LMO7: variants seen among roughly 807,000 people sequenced by gnomAD.
LMO7 encodes LIM domain 7.
LMO7 carries 120 observed loss-of-function variants against 206.5 expected under a neutral mutation model. The observed-to-expected ratio is 0.58, with a 90% CI of 0.50 to 0.68. LMO7 has a LOEUF of 0.68. LMO7 is among the 30% of genes least tolerant of loss of function. The pLI, the probability that LMO7 is intolerant of heterozygous loss-of-function variation, is 0.00. For missense variants in LMO7, 1,959 were observed against 1,957.9 expected, an observed-to-expected ratio of 1.00 and a Z score of -0.01; for synonymous variants, 706 against 681.5, an observed-to-expected ratio of 1.04 and a Z score of -0.56.
intron 27 of LMO7, among the ~76,000 whole-genome samples, chr13:75,850,358 T>C (rs540660890): frequency 1.3e-4 from 20 of 152,350 alleles, no homozygotes; most frequent in African/African-American, 4.6e-4. Context: ...AAAGTTTATA[T>C]ATCTGACCCT....
chr13:75,857,014 A>G (rs1359520499), intron 30 of LMO7: 1 of 156,168 alleles, frequency 6.4e-6, no homozygotes, highest in African/African-American at 2.4e-5. Context: ...GGCTTTGATT[A>G]TGTGATTTAG....
At chr13:75,768,071 A>G (rs994570387) in intron 4 of LMO7, among the ~76,000 whole-genome samples, 1 of 152,090 alleles carries the variant, frequency 6.6e-6, no homozygotes, top group Non-Finnish European at 1.5e-5. Context: ...GAAGTCAGGT[A>G]TATAAAGTAT....
intron 3 of LMO7, among the ~76,000 whole-genome samples, chr13:75,757,030 T>A (rs1040622033): frequency 2.0e-5 from 3 of 152,184 alleles, no homozygotes; most frequent in Non-Finnish European, 2.9e-5. Context: ...AGGGCTGATC[T>A]GTGTAACCAA....
chr13:75,707,868 T>G (rs543795711), intron 1 of LMO7, among the ~76,000 whole-genome samples: 27 of 151,328 alleles, frequency 1.8e-4, no homozygotes, highest in African/African-American at 3.1e-4. Flanking sequence ...GAGGGGGTCT[T>G]CAGACCCCCT....
intron 11 of LMO7, 152 bp from the exon 12 acceptor site, chr13:75,817,009 A>G: frequency 4.0e-6 from 2 of 504,630 alleles, no homozygotes; most frequent in South Asian, 3.5e-5. Flanking sequence ...GAAAAACACC[A>G]TTTATCTCTG....
intron 26 of LMO7, among the ~76,000 whole-genome samples, chr13:75,846,228 A>C (rs2059988459): frequency 6.6e-6 from 1 of 152,216 alleles, no homozygotes; most frequent in African/African-American, 2.4e-5. Context: ...GGTGGCAGCT[A>C]GTTTAACCTC....
intron 1 of LMO7, among the ~76,000 whole-genome samples, chr13:75,643,596 A>C (rs972399533): frequency 3.3e-5 from 5 of 152,252 alleles, no homozygotes; most frequent in African/African-American, 1.2e-4. Flanking sequence ...GGAATTATGC[A>C]TACCTGTACT....
rs938813336 is a variant in LMO7, at chr13:75,834,358, T to C, written c.3197T>C (p.Val1066Ala). ...MAKAQETGHL[V>A]MDVRRYGKAG... Reference sequence around the variant, plus strand: ...AAGGCTCAAGAAACTGGACACCTAGTGATGGATGTGAGGCGCTATGGAAAG... The same window carrying C: ...AAGGCTCAAGAAACTGGACACCTAGCGATGGATGTGAGGCGCTATGGAAAG... Residue 1066 changes from valine to alanine, a missense_variant, in exon 17 of 31, where the codon GTG becomes GCG. Coordinates refer to ENST00000377534, the MANE Select transcript of LMO7 (RefSeq NM_001306080.2). 1 of 1,606,624 alleles carries C rather than the reference T, an allele frequency of 6.2e-7. No individual in the cohort carries two copies. Among genetic ancestry groups the C allele is most frequent in the African/African-American group, 1.3e-5 (1 of 74,462 alleles).
At chr13:75,804,811 A>G in intron 8 of LMO7, 1 of 1,136,306 alleles carries the variant, frequency 8.8e-7, no homozygotes, top group Non-Finnish European at 1.1e-6. Context: ...GATAATTTGT[A>G]TTGTTCATGA....
At chr13:75,742,572 A>G (rs1387074630) in intron 3 of LMO7, among the ~76,000 whole-genome samples, 2 of 152,192 alleles carry the variant, frequency 1.3e-5, no homozygotes, top group Non-Finnish European at 2.9e-5. Flanking sequence ...AAGGCTGCAC[A>G]CTTACAACCA....
intron 4 of LMO7, among the ~76,000 whole-genome samples, chr13:75,769,397 A>G (rs539973117): frequency 2.6e-5 from 4 of 152,160 alleles, no homozygotes; most frequent in South Asian, 4.1e-4. Context: ...AGACTTTGGT[A>G]CTAGTGCTTC....
chr13:75,839,860 A>G, intron 20 of LMO7: 1 of 466,880 alleles, frequency 2.1e-6, no homozygotes, highest in Non-Finnish European at 3.8e-6. Context: ...TTATTTTGGC[A>G]TCTGTATCTT....
At chr13:75,796,356 A>AT (rs1337700680) in intron 5 of LMO7, among the ~76,000 whole-genome samples, 1 of 152,100 alleles carries the variant, frequency 6.6e-6, no homozygotes, top group Non-Finnish European at 1.5e-5. Flanking sequence ...GTTTTCTCTT[A>AT]TTTTTTTCCC....
At chr13:75,620,675 A>T (rs1465158919) in exon 1 of LMO7, 2 of 152,174 alleles carry the variant, frequency 1.3e-5, no homozygotes, top group African/African-American at 4.8e-5. Flanking sequence ...GGGCAGGAGA[A>T]ATACACACCT....
chr13:75,834,172 A>G (rs1236344834), intron 16 of LMO7, 54 bp from the exon 17 acceptor site: 26 of 1,375,942 alleles, frequency 1.9e-5, no homozygotes, highest in Non-Finnish European at 2.4e-5. Context: ...GCAGCAACTA[A>G]TAGAACATGT....
chr13:75,709,545 C>G (rs1254724090), intron 1 of LMO7, among the ~76,000 whole-genome samples: 3 of 152,116 alleles, frequency 2.0e-5, no homozygotes, highest in Non-Finnish European at 4.4e-5. Context: ...TCTCTGATGG[C>G]CAGTGATGAT....
At chr13:75,632,862 G>GTTTTTTTTTTTTT (rs10690832), upstream of LMO7, among the ~76,000 whole-genome samples, 128 of 102,148 alleles carry the variant, frequency 1.3e-3, 14 homozygotes, top group African/African-American at 4.0e-3. Flanking sequence ...TTACTTAAAA[G>GTTTTTTTTTTTTT]TTTTTTTTTT....
upstream of LMO7, among the ~76,000 whole-genome samples, chr13:75,632,753 G>A (rs1420366769): frequency 1.3e-5 from 2 of 151,916 alleles, no homozygotes; most frequent in Non-Finnish European, 2.9e-5. Context: ...GAAGCTTGCA[G>A]AATGTCCTAC....
At chr13:75,803,502 C>T (rs899841168) in intron 7 of LMO7, among the ~76,000 whole-genome samples, 1 of 152,198 alleles carries the variant, frequency 6.6e-6, no homozygotes, top group African/African-American at 2.4e-5. Context: ...TGTTCTCCCC[C>T]CTTTTCTTCC....
Sources: allele counts gnomAD v4.1 joint callset (sites outside exome capture counted in the v4.1 genomes callset), GRCh38; gene constraint gnomAD v4.1.1; transcripts MANE v1.5; gene names NCBI Gene and HGNC (gene_info 2026-07-23, HGNC 2026-07-21).